PCDHA4: variants seen among roughly 807,000 people sequenced by gnomAD.
PCDHA4 encodes protocadherin alpha 4, also known as protocadherin alpha-4.
Under a neutral mutation model 61.4 loss-of-function variants are expected in PCDHA4, and 49 were observed. The observed-to-expected ratio is 0.80, with a 90% confidence interval of 0.63 to 1.01. The LOEUF is 1.01. PCDHA4 is among the 50% of genes least tolerant of loss of function. The pLI is 0.00. For synonymous variants in PCDHA4, 590 were observed against 550.3 expected, an observed-to-expected ratio of 1.07 and a Z score of -1.01; for missense variants, 1,254 against 1,235.8, an observed-to-expected ratio of 1.01 and a Z score of -0.22.
intron 1 of PCDHA4, chr5:140,851,710 G>T: frequency 2.1e-6 from 2 of 958,600 alleles, no homozygotes; most frequent in Middle Eastern, 5.5e-4. Flanking sequence ...GCCATGTGAA[G>T]ATTCGAAACT....
chr5:140,839,737 C>T (rs1554137559), intron 1 of PCDHA4, among the ~76,000 whole-genome samples: 1 of 151,964 alleles, frequency 6.6e-6, no homozygotes, highest in Non-Finnish European at 1.5e-5. Flanking sequence ...AGAAAATACC[C>T]TTATTTGCCT....
Position 140,857,105 on chromosome 5 carries a change from T to G in PCDHA4, c.2385+47533T>G. On this transcript the variant is annotated intron_variant, in intron 1 of 3. Transcript: ENST00000530339. The stretch of plus-strand genomic sequence containing the variant: ...TAATTCACCTGAGGTGATTGTCACT[T>G]CTCTGTCTCTCCCAGTGAAAGAAGA... The G allele has an allele frequency of 1.9e-6, 3 of 1,597,820 alleles. 1 individual carries two copies. Among genetic ancestry groups the G allele is most frequent in the Non-Finnish European group, 2.6e-6 (3 of 1,167,424 alleles).
intron 1 of PCDHA4, chr5:140,842,893 C>T: frequency 6.3e-7 from 1 of 1,594,312 alleles, no homozygotes; most frequent in Non-Finnish European, 8.6e-7. Context: ...AGCCGCTGGA[C>T]CACGAGGAGC....
At chr5:140,906,257 C>A (rs1394766953) in intron 1 of PCDHA4, among the ~76,000 whole-genome samples, 2 of 152,168 alleles carry the variant, frequency 1.3e-5, no homozygotes, top group Non-Finnish European at 2.9e-5. Flanking sequence ...ATACACACCT[C>A]CTGAAATTAT....
At chr5:140,963,244 T>G (rs934081934) in intron 1 of PCDHA4, among the ~76,000 whole-genome samples, 6 of 152,104 alleles carry the variant, frequency 3.9e-5, no homozygotes, top group Admixed American at 3.3e-4. Flanking sequence ...ATGGATTAGG[T>G]AGGTTTTCAT....
At chr5:140,959,099 G>T (rs1233693181) in intron 1 of PCDHA4, among the ~76,000 whole-genome samples, 1 of 152,078 alleles carries the variant, frequency 6.6e-6, no homozygotes, top group Non-Finnish European at 1.5e-5. Context: ...CGGACATTCA[G>T]CAGGGGTCCG....
chr5:140,811,691 T>A (rs1554125796), intron 1 of PCDHA4: 1 of 152,228 alleles, frequency 6.6e-6, no homozygotes, highest in East Asian at 1.9e-4. Context: ...TGATTGCCAT[T>A]CTAACTGGTG....
At chr5:140,857,914 C>A (rs781836779) in intron 1 of PCDHA4, 4 of 1,597,754 alleles carry the variant, frequency 2.5e-6, no homozygotes, top group South Asian at 2.2e-5. Flanking sequence ...TCCCGTTTCG[C>A]GTGGGGCTGT....
At chr5:140,911,785 T>C (rs1334155529) in intron 1 of PCDHA4, among the ~76,000 whole-genome samples, 1 of 152,180 alleles carries the variant, frequency 6.6e-6, no homozygotes, top group Non-Finnish European at 1.5e-5. Context: ...CTTAGCATTT[T>C]TGGGTCTAAT....
At chr5:140,850,820 C>T in intron 1 of PCDHA4, 6 of 1,598,226 alleles carry the variant, frequency 3.8e-6, no homozygotes, top group Non-Finnish European at 5.1e-6. Flanking sequence ...TCAGCCCGGG[C>T]CTTTCTCCTT....
chr5:140,884,573 C>T, intron 1 of PCDHA4: 1 of 1,614,170 alleles, frequency 6.2e-7, no homozygotes, highest in Non-Finnish European at 8.5e-7. Flanking sequence ...TAAGACGGAC[C>T]TCATGGCCTT....
At chr5:140,988,698 A>AT (rs782470160) in intron 3 of PCDHA4, among the ~76,000 whole-genome samples, 115 of 152,234 alleles carry the variant, frequency 7.6e-4, no homozygotes, top group Middle Eastern at 6.8e-3. Flanking sequence ...GACGCTCTGT[A>AT]TTTTCTTGGA....
Position 140,856,118 on chromosome 5 carries a change from G to A in PCDHA4, c.2385+46546G>A. On this transcript the variant is annotated intron_variant, in intron 1 of 3. Coordinates refer to ENST00000530339, the MANE Select transcript of PCDHA4 (RefSeq NM_018907.4). ...CTCGCTTCTTCTCCTCGCAGCCTGG[G>A]AGGTGGGGAGCGGCCAGCTCCACTA... 1.3e-6 allele frequency: 2 copies of A among 1,598,234 alleles called. 1 individual carries two copies. The highest frequency in any genetic ancestry group is 2.7e-5 in the African/African-American group (2 of 74,402).
rs1554139232 is a variant in PCDHA4 at position 140,842,637 on chromosome 5, C to T, written c.2385+33065C>T. On this transcript the variant is annotated intron_variant, in intron 1 of 3. Transcript: ENST00000530339. ...GGCTCGCCTTCGCTGTGGGCCACCG[C>T]CAGCTTGTCTGTGGAGGTGGCCGAC... 4 of 1,592,344 alleles carry T rather than the reference C, an allele frequency of 2.5e-6. No individual in the cohort carries two copies. The Middle Eastern group carries it at 6.8e-4, about 271-fold the overall frequency.
At chr5:140,850,301 C>G in intron 1 of PCDHA4, 3 of 1,596,740 alleles carry the variant, frequency 1.9e-6, no homozygotes, top group Non-Finnish European at 2.6e-6. Context: ...CCGACTCGGG[C>G]TACAACGCGT....
chr5:140,907,932 A>T (rs1291390398), intron 1 of PCDHA4, among the ~76,000 whole-genome samples: 1 of 152,202 alleles, frequency 6.6e-6, no homozygotes, highest in Non-Finnish European at 1.5e-5. Context: ...GTCCATTCAC[A>T]TACCTTTTCC....
chr5:140,848,456 A>T (rs2150410759), intron 1 of PCDHA4: 1 of 1,524,638 alleles, frequency 6.6e-7, no homozygotes, highest in South Asian at 1.2e-5. Flanking sequence ...TCTAATTTGG[A>T]GGCAATTTTC....
chr5:140,831,815 T>C (rs1475150566), intron 1 of PCDHA4, among the ~76,000 whole-genome samples: 1 of 152,196 alleles, frequency 6.6e-6, no homozygotes, highest in Admixed American at 6.6e-5. Flanking sequence ...AAAGTTGGAA[T>C]GATAAACACT....
rs782000026 is a variant in PCDHA4, at chr5:140,858,227, G to A, written c.2385+48655G>A. 14 of 1,596,370 alleles carry A rather than the reference G, an allele frequency of 8.8e-6. 2 individuals carry two copies. The African/African-American group carries it at 1.9e-4, about 21-fold the overall frequency. On this transcript the variant is annotated intron_variant, in intron 1 of 3. Coordinates refer to ENST00000530339, the MANE Select transcript of PCDHA4 (RefSeq NM_018907.4). Reference sequence around the variant, plus strand: ...ACTGAGGTGCTCGGCGGCGCCCACCGAGGGCGCATGTGGGCCGGTGAAGCC... The same window carrying A: ...ACTGAGGTGCTCGGCGGCGCCCACCAAGGGCGCATGTGGGCCGGTGAAGCC...
Sources: gnomAD v4.1 joint callset for allele counts (sites outside exome capture counted in the v4.1 genomes callset) on GRCh38, gnomAD v4.1.1 for gene constraint, MANE v1.5 for transcripts, NCBI Gene and HGNC (gene_info 2026-07-23, HGNC 2026-07-21) for gene names.